Variants in ATRN observed in about 807,000 individuals in gnomAD.
ATRN encodes the protein attractin-2.
A neutral mutation model predicts 178.7 loss-of-function variants in ATRN; 54 were observed. The ratio of observed to expected loss-of-function variants is 0.30; its 90% CI spans 0.24 to 0.38. The LOEUF (loss-of-function observed/expected upper bound fraction) is 0.38, where lower values mean the gene tolerates loss of function less well. ATRN is among the 10% of genes least tolerant of loss of function. The pLI is 1.00. For synonymous variants in ATRN, 636 were observed against 663.0 expected (o/e 0.96, Z 0.63); for missense variants, 1,443 against 1,815.1 (o/e 0.79, Z 3.73).
At chr20:3,481,791 C>CTTTTTTTT (rs780144563) in intron 1 of ATRN, among the ~76,000 whole-genome samples, 5 of 100,488 alleles carry the variant, frequency 5.0e-5, no homozygotes, top group East Asian at 2.9e-4. Flanking sequence ...GGTGAATTTC[C>CTTTTTTTT]TTTTTTTTTT....
intron 17 of ATRN, 46 bp downstream of exon 17, chr20:3,584,129 T>A (rs1345317935): frequency 1.3e-6 from 2 of 1,570,140 alleles, no homozygotes; most frequent in Admixed American, 1.7e-5. Flanking sequence ...GCCCTCTGTA[T>A]AGGCAACAAC....
Position 3,560,778 on chromosome 20 carries a change from G to A in ATRN, c.1320G>A (p.Glu440=), listed in dbSNP as rs375301159. ...SWVLLTPKAK[E]QYAVVGHSAH... ...TGTTGTTGACCCCTAAGGCAAAGGAGCAGTATGCAGTGGTTGGGCACTCTG... is the reference window on the plus strand; with the variant it reads ...TGTTGTTGACCCCTAAGGCAAAGGAACAGTATGCAGTGGTTGGGCACTCTG... The change falls in exon 8 of 29, where the codon GAG becomes GAA. Residue 440 remains glutamate (E), a synonymous_variant. Transcript: ENST00000262919. 2.5e-6 allele frequency: 4 copies of A among 1,614,146 alleles called. No homozygotes were observed. In the African/African-American group the frequency reaches 5.3e-5, roughly 22 times the overall value.
At chr20:3,503,100 A>G (rs2084986322) in intron 1 of ATRN, among the ~76,000 whole-genome samples, 4 of 152,154 alleles carry the variant, frequency 2.6e-5, no homozygotes, top group Admixed American at 2.6e-4. Context: ...AGGCAGTGCC[A>G]GCAGAGACCA....
intron 17 of ATRN, among the ~76,000 whole-genome samples, chr20:3,584,316 A>T (rs1476289970): frequency 6.6e-6 from 1 of 152,224 alleles, no homozygotes; most frequent in Non-Finnish European, 1.5e-5. Flanking sequence ...GAGTACAGAA[A>T]TAACTTGTCC....
At chr20:3,594,866 A>G (rs1206800764) in intron 20 of ATRN, among the ~76,000 whole-genome samples, 1 of 152,122 alleles carries the variant, frequency 6.6e-6, no homozygotes, top group Non-Finnish European at 1.5e-5. Context: ...AACTTCAGCA[A>G]CTACTTGATT....
intron 1 of ATRN, among the ~76,000 whole-genome samples, chr20:3,523,371 G>T (rs2085321790): frequency 6.6e-6 from 1 of 151,944 alleles, no homozygotes; most frequent in African/African-American, 2.4e-5. Flanking sequence ...AGAGAAAAAA[G>T]AATGAAAAAG....
chr20:3,604,228 A>G lies in ATRN; in HGVS notation c.3767A>G (p.Tyr1256Cys). The stretch of plus-strand genomic sequence containing the variant: ...CACCCAAATATCACTTTCTTTGTTT[A>G]TGTCAGTAATTTCACCTGGCCCATC... ...RNHPNITFFV[Y>C]VSNFTWPIKI... Residue 1256 changes from tyrosine (Y) to cysteine (C), a missense_variant, in exon 24 of 29, where the codon TAT becomes TGT. Physicochemically the swap from Tyr to Cys is radical, Grantham distance 194. This residue lies in a region of ATRN where 289 missense variants were observed against 440.8 expected (regional missense o/e 0.66). Transcript: ENST00000262919. 1 of 1,609,728 alleles carries G rather than the reference A, an allele frequency of 6.2e-7. No homozygotes were observed. The highest frequency in any genetic ancestry group is 1.7e-4 in the Middle Eastern group (1 of 6,024).
chr20:3,525,146 T>C (rs1280273243), intron 1 of ATRN, among the ~76,000 whole-genome samples: 1 of 151,690 alleles, frequency 6.6e-6, no homozygotes, highest in Non-Finnish European at 1.5e-5. Context: ...GAAAATAGAC[T>C]GCTAGCTTGA....
chr20:3,485,461 T>C (rs1214367493), intron 1 of ATRN, among the ~76,000 whole-genome samples: 1 of 152,148 alleles, frequency 6.6e-6, no homozygotes, highest in Non-Finnish European at 1.5e-5. Flanking sequence ...TATTGATTTT[T>C]GTCTTTTCAT....
chr20:3,565,389 C>T lies in ATRN; in HGVS notation c.1828C>T (p.His610Tyr), dbSNP rs778671267. 2 of 1,614,118 alleles carry T rather than the reference C, an allele frequency of 1.2e-6. No homozygotes were observed. The highest frequency in any genetic ancestry group is 1.7e-6 in the Non-Finnish European group (2 of 1,180,012). The change falls in exon 11 of 29, where the codon CAT becomes TAT. Residue 610 changes from histidine to tyrosine, a missense_variant. Coordinates refer to ENST00000262919, the MANE Select transcript of ATRN (RefSeq NM_139321.3). Reference protein sequence around the residue: ...WSVLPRPDLHHDVNRFGHSAV... With the variant: ...WSVLPRPDLHYDVNRFGHSAV... ...AGTGCTTCCCAGACCTGATCTCCAC[C>T]ATGATGTCAACAGATTTGGCCATTC...
In ATRN at chr20:3,582,042, C is replaced by T. The variant is rs41279372; in HGVS notation, c.2545-93C>T. On this transcript the variant is annotated intron_variant, in intron 15 of 28. Transcript: ENST00000262919. The stretch of plus-strand genomic sequence containing the variant: ...ATCACTTGAGCTCAGGAGTTTGAAA[C>T]TAGCCAGGGCAACATGGCAAGACTC... 701 of 1,194,758 alleles carry T rather than the reference C, an allele frequency of 5.9e-4. 5 individuals are homozygous for T. Among genetic ancestry groups the T allele is most frequent in the Admixed American group, 5.5e-3 (262 of 47,866 alleles). The allele number at this position is 1,194,758 out of a possible 1,614,324, so 74.0% of individuals were successfully genotyped here.
chr20:3,473,904 C>G (rs537237633), intron 1 of ATRN, among the ~76,000 whole-genome samples: 1 of 152,116 alleles, frequency 6.6e-6, no homozygotes, highest in Non-Finnish European at 1.5e-5. Flanking sequence ...TCCGTGTAAA[C>G]TGGTTTGCTC....
At position 3,537,872 on chromosome 20, in the gene ATRN, T is replaced by C. The variant is rs2085561545; in HGVS notation, c.495-2350T>C. Among the ~76,000 whole-genome samples the C allele has an allele frequency of 2.0e-5, 3 of 151,664 alleles. No homozygotes were observed. In the South Asian group the frequency reaches 6.2e-4, roughly 31 times the overall value. On this transcript the variant is annotated intron_variant, in intron 2 of 28. Transcript: ENST00000262919. ...TTTTTTATGGCTGCATAGTATTCCA[T>C]GGTGTATATGTGCCTCATTTTCTTT...
At chr20:3,588,981 GTTTT>G (rs386393128) in intron 18 of ATRN, among the ~76,000 whole-genome samples, 2 of 99,792 alleles carry the variant, frequency 2.0e-5, no homozygotes, top group Admixed American at 1.4e-4. Context: ...ATTTTCTTTT[GTTTT>G]TTTTTTTTTT....
intron 24 of ATRN, among the ~76,000 whole-genome samples, chr20:3,604,522 G>T (rs17783039): frequency 6.6e-6 from 1 of 152,194 alleles, no homozygotes; most frequent in Non-Finnish European, 1.5e-5. Context: ...CATTATAAAC[G>T]TATTCACTTC....
intron 6 of ATRN, among the ~76,000 whole-genome samples, chr20:3,551,268 A>T (rs2146206987): frequency 6.6e-6 from 1 of 152,316 alleles, no homozygotes; most frequent in South Asian, 2.1e-4. Flanking sequence ...GTATCCCAAG[A>T]AACCCCTCAG....
At chr20:3,593,736 A>G (rs938147430) in intron 19 of ATRN, among the ~76,000 whole-genome samples, 3 of 152,212 alleles carry the variant, frequency 2.0e-5, no homozygotes, top group Admixed American at 2.0e-4. Context: ...ACCTCTCTCC[A>G]GCTGAATGCC....
At chr20:3,600,077 A>C (rs1568756303) in intron 22 of ATRN, among the ~76,000 whole-genome samples, 1 of 152,216 alleles carries the variant, frequency 6.6e-6, no homozygotes, top group Non-Finnish European at 1.5e-5. Context: ...AAAATATAAC[A>C]TTGATTAGTT....
At chr20:3,497,047 A>G (rs558015039) in intron 1 of ATRN, among the ~76,000 whole-genome samples, 42 of 151,746 alleles carry the variant, frequency 2.8e-4, no homozygotes, top group Non-Finnish European at 4.1e-4. Context: ...TTTTGAGCCT[A>G]TGTGTGTCTC....
Sources: gnomAD v4.1 joint callset for allele counts (sites outside exome capture counted in the v4.1 genomes callset) on GRCh38, gnomAD v4.1.1 for gene constraint, gnomAD v4.1.1 regional missense constraint, MANE v1.5 for transcripts, NCBI Gene and HGNC (gene_info 2026-07-23, HGNC 2026-07-21) for gene names.